The following KCNH7 variants were observed in gnomAD, a reference collection of about 807,000 sequenced individuals.
The protein encoded by KCNH7 is potassium voltage-gated channel subfamily H member 7, also known as voltage-gated inwardly rectifying potassium channel KCNH7.
KCNH7 carries 49 observed loss-of-function variants against 120.8 expected under a neutral mutation model. The ratio of observed to expected loss-of-function variants is 0.41; its 90% CI spans 0.32 to 0.51. The LOEUF is 0.51. Ranked by LOEUF, KCNH7 falls within the 20% of genes least tolerant of loss-of-function variation. The pLI, the probability that KCNH7 is intolerant of heterozygous loss-of-function variation, is 0.38. For synonymous variants in KCNH7, 547 were observed against 516.1 expected (o/e 1.06, Z -0.81); for missense variants, 1,097 against 1,446.6 (o/e 0.76, Z 3.92).
intron 2 of KCNH7, among the ~76,000 whole-genome samples, chr2:162,603,000 G>A (rs1253649175): frequency 6.6e-6 from 1 of 151,174 alleles, no homozygotes; most frequent in East Asian, 2.0e-4. Context: ...GTTTAGTTTG[G>A]AATCACAGCA....
At chr2:162,813,077 C>T (rs927587631) in intron 2 of KCNH7, among the ~76,000 whole-genome samples, 3 of 152,112 alleles carry the variant, frequency 2.0e-5, no homozygotes, top group Non-Finnish European at 1.5e-5. Context: ...TCTATTCTCC[C>T]TCTGAAATTT....
At chr2:162,696,673 T>G (rs1301599492) in intron 2 of KCNH7, among the ~76,000 whole-genome samples, 2 of 151,526 alleles carry the variant, frequency 1.3e-5, no homozygotes, top group Non-Finnish European at 2.9e-5. Flanking sequence ...TGATTCTAGG[T>G]TTAGAGCAAG....
At chr2:162,527,705 A>AG (rs1691761287) in intron 3 of KCNH7, among the ~76,000 whole-genome samples, 1 of 151,978 alleles carries the variant, frequency 6.6e-6, no homozygotes, top group Non-Finnish European at 1.5e-5. Flanking sequence ...GTAAGCGTAA[A>AG]AGTAAAATCC....
chr2:162,549,079 C>G (rs1196462894), intron 2 of KCNH7, among the ~76,000 whole-genome samples: 2 of 152,264 alleles, frequency 1.3e-5, no homozygotes, highest in African/African-American at 2.4e-5. Flanking sequence ...CCTGTAGCTA[C>G]AGTTACCTCC....
rs142210415 is a variant in KCNH7 at position 162,371,933 on chromosome 2, C to G, written c.3487G>C (p.Val1163Leu). The G allele has an allele frequency of 4.3e-6, 7 of 1,613,734 alleles. No homozygotes were observed. The highest frequency in any genetic ancestry group is 5.9e-6 in the Non-Finnish European group (7 of 1,179,880). ...AAAGAAGGATGCCTAATTGGATGAACGTAAGTTTTTCTTTGCCGCAGGTGA... is the reference window on the plus strand; with the variant it reads ...AAAGAAGGATGCCTAATTGGATGAAGGTAAGTTTTTCTTTGCCGCAGGTGA... ...ELHLRQRKTY[V>L]HPIRHPSLPD... The change falls in exon 16 of 16, where the codon GTT (valine) becomes CTT (leucine). Residue 1163 changes from valine (V) to leucine (L), a missense_variant. Physicochemically the swap from Val to Leu is conservative, Grantham distance 32 (BLOSUM62 1). Coordinates refer to ENST00000332142, the MANE Select transcript of KCNH7 (RefSeq NM_033272.4).
chr2:162,768,004 C>T (rs1457273728), intron 2 of KCNH7, among the ~76,000 whole-genome samples: 1 of 152,132 alleles, frequency 6.6e-6, no homozygotes, highest in Non-Finnish European at 1.5e-5. Context: ...TAAACAATTT[C>T]ATCACAAGCA....
intron 6 of KCNH7, among the ~76,000 whole-genome samples, chr2:162,471,385 T>C (rs1689522610): frequency 6.6e-6 from 1 of 152,206 alleles, no homozygotes; most frequent in Non-Finnish European, 1.5e-5. Flanking sequence ...CATGTTTCTA[T>C]ATGTGTGCAT....
chr2:162,507,226 T>C (rs959344892), intron 5 of KCNH7, among the ~76,000 whole-genome samples: 2 of 151,728 alleles, frequency 1.3e-5, no homozygotes, highest in Admixed American at 6.6e-5. Flanking sequence ...ACAATCTGTG[T>C]TTGGAGCTGT....
chr2:162,481,224 C>T (rs1689920844), intron 6 of KCNH7, among the ~76,000 whole-genome samples: 1 of 152,124 alleles, frequency 6.6e-6, no homozygotes, highest in Non-Finnish European at 1.5e-5. Flanking sequence ...TGTGAAACAG[C>T]ATCCTTTTCA....
At chr2:162,788,341 C>T (rs934987958) in intron 2 of KCNH7, among the ~76,000 whole-genome samples, 3 of 151,964 alleles carry the variant, frequency 2.0e-5, no homozygotes, top group African/African-American at 4.8e-5. Context: ...CAATAAGCTA[C>T]AAGAGAACAC....
At chr2:162,648,704 G>GT (rs113253918) in intron 2 of KCNH7, among the ~76,000 whole-genome samples, 14 of 152,050 alleles carry the variant, frequency 9.2e-5, no homozygotes, top group African/African-American at 3.4e-4. Context: ...GTTTCCACCT[G>GT]TTTTTTTATG....
intron 2 of KCNH7, among the ~76,000 whole-genome samples, chr2:162,586,186 A>G (rs749246016): frequency 2.0e-5 from 3 of 152,014 alleles, no homozygotes; most frequent in Admixed American, 6.6e-5. Flanking sequence ...CAAGGGCTGG[A>G]GTCTCTAATC....
intron 9 of KCNH7, among the ~76,000 whole-genome samples, chr2:162,404,975 A>G (rs1203429580): frequency 6.6e-6 from 1 of 152,070 alleles, no homozygotes; most frequent in Non-Finnish European, 1.5e-5. Context: ...GGACATTTAT[A>G]TTGTACATTT....
At chr2:162,483,463 T>C (rs138711483) in intron 6 of KCNH7, among the ~76,000 whole-genome samples, 40 of 152,254 alleles carry the variant, frequency 2.6e-4, no homozygotes, top group Admixed American at 3.3e-4. Flanking sequence ...ACTACCATTA[T>C]TGGCAACATT....
chr2:162,687,246 C>T (rs1484635424), intron 2 of KCNH7, among the ~76,000 whole-genome samples: 2 of 152,246 alleles, frequency 1.3e-5, no homozygotes, highest in East Asian at 3.9e-4. Flanking sequence ...AGAAAATGTG[C>T]TCAGTAACAA....
At position 162,512,690 on chromosome 2, in the gene KCNH7, A is replaced by C; in HGVS notation, c.893-16T>G. 6.2e-7 allele frequency: 1 copy of C among 1,600,878 alleles called. No homozygotes were observed. Among genetic ancestry groups the C allele is most frequent in the Non-Finnish European group, 8.5e-7 (1 of 1,170,228 alleles). On this transcript the variant is annotated splice_polypyrimidine_tract_variant and intron_variant, in intron 4 of 15. Coordinates refer to ENST00000332142, the MANE Select transcript of KCNH7 (RefSeq NM_033272.4). ...CGACCATTGTCTGTTTTGAGCACAT[A>C]AGGATAAAAAAAGAGAAATATAAAA...
At chr2:162,566,830 A>C (rs1693273045) in intron 2 of KCNH7, among the ~76,000 whole-genome samples, 2 of 152,040 alleles carry the variant, frequency 1.3e-5, no homozygotes, top group South Asian at 4.1e-4. Flanking sequence ...TATACTGAAC[A>C]CAGGAGTATC....
chr2:162,475,104 G>C (rs1689690786), intron 6 of KCNH7, among the ~76,000 whole-genome samples: 1 of 152,150 alleles, frequency 6.6e-6, no homozygotes, highest in African/African-American at 2.4e-5. Flanking sequence ...AGGTTAATTT[G>C]TCACTGAACA....
chr2:162,424,494 G>A (rs1687797816), intron 8 of KCNH7, among the ~76,000 whole-genome samples: 1 of 152,178 alleles, frequency 6.6e-6, no homozygotes, highest in Non-Finnish European at 1.5e-5. Flanking sequence ...TGAGAGATAT[G>A]GTAACATATG....
Sources: gnomAD v4.1 joint callset for allele counts (sites outside exome capture counted in the v4.1 genomes callset) on GRCh38, gnomAD v4.1.1 for gene constraint, MANE v1.5 for transcripts, NCBI Gene and HGNC (gene_info 2026-07-23, HGNC 2026-07-21) for gene names.